LPAR1: variants seen among roughly 807,000 people sequenced by gnomAD.
LPAR1 encodes the protein LPA receptor 1.
Under a neutral mutation model 23.8 loss-of-function variants are expected in LPAR1, and 5 were observed. The observed-to-expected ratio is 0.21, with a 90% CI of 0.11 to 0.44. The LOEUF (loss-of-function observed/expected upper bound fraction) is 0.44. LPAR1 is among the 20% of genes least tolerant of loss of function. The pLI, the probability that LPAR1 is intolerant of heterozygous loss-of-function variation, is 0.99. For missense variants in LPAR1, 311 were observed against 482.8 expected (o/e 0.64, Z 3.33); for synonymous variants, 160 against 164.7 (o/e 0.97, Z 0.22).
intron 2 of LPAR1, among the ~76,000 whole-genome samples, chr9:111,020,329 T>C (rs562127115): frequency 6.6e-6 from 1 of 152,340 alleles, no homozygotes; most frequent in East Asian, 1.9e-4. Context: ...CTGAATCAGA[T>C]GAGAATTTGT....
At chr9:111,032,483 A>G (rs1490089169) in intron 2 of LPAR1, among the ~76,000 whole-genome samples, 1 of 152,168 alleles carries the variant, frequency 6.6e-6, no homozygotes, top group African/African-American at 2.4e-5. Context: ...ACTCACCCCT[A>G]GTAAAACTAG....
At chr9:111,000,139 T>A (rs1036528203) in intron 2 of LPAR1, among the ~76,000 whole-genome samples, 2 of 152,198 alleles carry the variant, frequency 1.3e-5, no homozygotes, top group Non-Finnish European at 1.5e-5. Context: ...AGACACATTC[T>A]TCAGTCCATA....
chr9:110,946,561 T>C (rs757427703), intron 4 of LPAR1, among the ~76,000 whole-genome samples: 2 of 152,026 alleles, frequency 1.3e-5, no homozygotes, highest in African/African-American at 2.4e-5. Flanking sequence ...ACGAGGACAA[T>C]AAAGAACAGT....
At chr9:110,925,463 C>G (rs1479916817) in intron 5 of LPAR1, among the ~76,000 whole-genome samples, 1 of 152,020 alleles carries the variant, frequency 6.6e-6, no homozygotes, top group Non-Finnish European at 1.5e-5. Context: ...TTTATAGAAT[C>G]CTGCTGGGAT....
intron 2 of LPAR1, among the ~76,000 whole-genome samples, chr9:110,992,991 T>C (rs1015138066): frequency 2.0e-5 from 3 of 152,140 alleles, no homozygotes; most frequent in African/African-American, 7.2e-5. Context: ...ATGTTATCAA[T>C]GAAAAAATTA....
chr9:110,941,750 A>G lies in LPAR1; in HGVS notation c.464T>C (p.Leu155Pro). The G allele has an allele frequency of 6.2e-7, 1 of 1,614,172 alleles. No individual in the cohort carries two copies. The highest frequency in any genetic ancestry group is 8.5e-7 in the Non-Finnish European group (1 of 1,180,016). The change falls in exon 5 of 6, where the codon CTC becomes CCC. Residue 155 changes from leucine to proline, a missense_variant. Physicochemically the swap from Leu to Pro is moderately conservative, Grantham distance 98. This residue lies in a region of LPAR1 where 250 missense variants were observed against 427.2 expected (regional missense o/e 0.59). Transcript: ENST00000683809. The surrounding 1 kb of genome is among the most constrained non-coding windows in gnomAD (Gnocchi z 6.1). ...CCGCCGGTTGCTCATCCGTGTGTGG[A>G]GCTGCATGCGGAAAACCGTAATGTG... ...ERHITVFRMQ[L>P]HTRMSNRRVV...
chr9:110,948,196 A>G (rs1232639494), intron 4 of LPAR1, among the ~76,000 whole-genome samples: 1 of 152,196 alleles, frequency 6.6e-6, no homozygotes, highest in African/African-American at 2.4e-5. Flanking sequence ...AAAGATTAGA[A>G]AAGAGACAGC....
intron 5 of LPAR1, among the ~76,000 whole-genome samples, chr9:110,929,349 A>G (rs1287490924): frequency 6.6e-6 from 1 of 152,182 alleles, no homozygotes; most frequent in Non-Finnish European, 1.5e-5. Flanking sequence ...GTACCAACAG[A>G]AGAAAAAAAT....
chr9:110,973,185 T>C (rs751930129), intron 3 of LPAR1, among the ~76,000 whole-genome samples: 6 of 152,114 alleles, frequency 3.9e-5, no homozygotes, highest in Non-Finnish European at 7.4e-5. Context: ...TTGGACCAAG[T>C]TTGACTGCAG....
intron 4 of LPAR1, among the ~76,000 whole-genome samples, chr9:110,957,764 G>A (rs918659751): frequency 6.6e-6 from 1 of 152,014 alleles, no homozygotes; most frequent in Non-Finnish European, 1.5e-5. Flanking sequence ...AGAAATAAAG[G>A]CATCCAAATT....
intron 1 of LPAR1, among the ~76,000 whole-genome samples, 165 bp from the exon 2 acceptor site, chr9:111,036,366 C>G (rs1338126218): frequency 2.0e-5 from 3 of 150,368 alleles, no homozygotes; most frequent in Non-Finnish European, 4.4e-5. Context: ...TATTGAGTCC[C>G]TTGAGGAAAG....
intron 2 of LPAR1, among the ~76,000 whole-genome samples, chr9:111,007,580 G>T (rs1397951678): frequency 3.3e-5 from 5 of 152,036 alleles, no homozygotes; most frequent in Non-Finnish European, 7.4e-5. Flanking sequence ...AAATGCCATT[G>T]CCCCCAACAC....
intron 3 of LPAR1, among the ~76,000 whole-genome samples, chr9:110,972,638 C>A (rs1280263606): frequency 6.6e-6 from 1 of 152,104 alleles, no homozygotes. Context: ...TCTAAGCCCC[C>A]CAGTGGATAC....
At chr9:110,936,078 T>C (rs2135928547) in intron 5 of LPAR1, among the ~76,000 whole-genome samples, 1 of 152,324 alleles carries the variant, frequency 6.6e-6, no homozygotes, top group Middle Eastern at 3.4e-3. Flanking sequence ...TTGCCTCCTC[T>C]GGGAGCCCCT....
intron 5 of LPAR1, among the ~76,000 whole-genome samples, chr9:110,921,863 G>A (rs1547664): frequency 0.1 from 15,939 of 152,252 alleles, 1,122 homozygotes; most frequent in Admixed American, 0.2. Context: ...TATGATGGAC[G>A]TAATGCTCCC....
chr9:111,033,595 A>G (rs1270543572), intron 2 of LPAR1, among the ~76,000 whole-genome samples: 1 of 152,194 alleles, frequency 6.6e-6, no homozygotes, highest in African/African-American at 2.4e-5. Flanking sequence ...CTGTCTGCCC[A>G]GGCTGGAGTG....
chr9:110,924,336 T>G (rs886943364), intron 5 of LPAR1, among the ~76,000 whole-genome samples: 2 of 152,108 alleles, frequency 1.3e-5, no homozygotes, highest in African/African-American at 4.8e-5. Flanking sequence ...CAAAGATTAC[T>G]TAATGGCATA....
intron 2 of LPAR1, chr9:110,999,429 T>C (rs956294324): frequency 2.2e-6 from 1 of 455,890 alleles, no homozygotes; most frequent in African/African-American, 2.0e-5. Context: ...CAGGAATGAG[T>C]AGCAGCAGCA....
At chr9:110,968,851 G>C (rs2096309327) in intron 4 of LPAR1, among the ~76,000 whole-genome samples, 1 of 152,128 alleles carries the variant, frequency 6.6e-6, no homozygotes. Flanking sequence ...GAGCTTTATA[G>C]AAATTATTTC....
Sources: gnomAD v4.1 joint callset for allele counts (sites outside exome capture counted in the v4.1 genomes callset) on GRCh38, gnomAD v4.1.1 for gene constraint, gnomAD v4.1.1 regional missense constraint, Gnocchi (gnomAD v3.1) non-coding constraint, MANE v1.5 for transcripts, NCBI Gene and HGNC (gene_info 2026-07-23, HGNC 2026-07-21) for gene names.